Variants in HCN1 observed in about 807,000 individuals in gnomAD.
The protein encoded by HCN1 is potassium/sodium hyperpolarization-activated cyclic nucleotide-gated channel 1.
HCN1 carries 13 observed loss-of-function variants against 78.9 expected under a neutral mutation model. The ratio of observed to expected loss-of-function variants is 0.16; its 90% CI spans 0.11 to 0.26. The LOEUF (loss-of-function observed/expected upper bound fraction) is 0.26, where lower values mean the gene tolerates loss of function less well. HCN1 is among the 10% of genes least tolerant of loss of function. The probability of loss-of-function intolerance (pLI) is 1.00; values close to 1 mark genes in which losing one functional copy is unlikely to be tolerated. For missense variants in HCN1, 810 were observed against 1,154.3 expected, an observed-to-expected ratio of 0.70 and a Z score of 4.32; for synonymous variants, 552 against 455.5, an observed-to-expected ratio of 1.21 and a Z score of -2.70.
chr5:45,635,135 G>GAA (rs1745334463), intron 2 of HCN1, among the ~76,000 whole-genome samples: 1 of 151,986 alleles, frequency 6.6e-6, no homozygotes, highest in Non-Finnish European at 1.5e-5. Flanking sequence ...AAGAATCAGT[G>GAA]AATTAACTTG....
At chr5:45,287,078 T>C (rs1252008739) in intron 6 of HCN1, among the ~76,000 whole-genome samples, 1 of 151,742 alleles carries the variant, frequency 6.6e-6, no homozygotes. Flanking sequence ...CTAGAAGGTA[T>C]GCGTGTGTGT....
At chr5:45,283,978 C>A (rs1745220662) in intron 6 of HCN1, among the ~76,000 whole-genome samples, 1 of 152,102 alleles carries the variant, frequency 6.6e-6, no homozygotes, top group African/African-American at 2.4e-5. Context: ...AGAATGAGAT[C>A]CTGTCTTTTG....
At chr5:45,605,434 C>T (rs1224440787) in intron 2 of HCN1, among the ~76,000 whole-genome samples, 1 of 151,776 alleles carries the variant, frequency 6.6e-6, no homozygotes. Flanking sequence ...GTTAAATAAT[C>T]ATTTATTATG....
At chr5:45,475,947 A>G (rs1033647353) in intron 2 of HCN1, among the ~76,000 whole-genome samples, 2 of 152,162 alleles carry the variant, frequency 1.3e-5, no homozygotes, top group South Asian at 2.1e-4. Flanking sequence ...CAAGAGGCCA[A>G]TTTCTGAGTT....
chr5:45,545,075 A>C (rs1482774261), intron 2 of HCN1, among the ~76,000 whole-genome samples: 1 of 152,090 alleles, frequency 6.6e-6, no homozygotes, highest in Non-Finnish European at 1.5e-5. Flanking sequence ...ACAGTGTAAA[A>C]GTGTTCCTAT....
At chr5:45,563,721 T>C (rs1743651735) in intron 2 of HCN1, among the ~76,000 whole-genome samples, 1 of 150,530 alleles carries the variant, frequency 6.6e-6, no homozygotes, top group Non-Finnish European at 1.5e-5. Flanking sequence ...CTCTTTTTAG[T>C]GAATTTACAG....
chr5:45,387,636 G>A (rs1055186169), intron 4 of HCN1, among the ~76,000 whole-genome samples: 6 of 150,976 alleles, frequency 4.0e-5, no homozygotes, highest in South Asian at 2.1e-4. Context: ...TAGCAATTTC[G>A]CCCTACATTT....
At chr5:45,683,644 T>TAC (rs1489991816) in intron 1 of HCN1, among the ~76,000 whole-genome samples, 16 of 151,658 alleles carry the variant, frequency 1.1e-4, no homozygotes, top group Admixed American at 6.6e-4. Flanking sequence ...TATATATATA[T>TAC]ATACACACAC....
chr5:45,532,906 A>C (rs1742888612), intron 2 of HCN1, among the ~76,000 whole-genome samples: 1 of 152,218 alleles, frequency 6.6e-6, no homozygotes, highest in Non-Finnish European at 1.5e-5. Flanking sequence ...ATTGAGATAC[A>C]AAACATTCCA....
At chr5:45,676,019 G>T (rs1419833233) in intron 1 of HCN1, among the ~76,000 whole-genome samples, 1 of 151,772 alleles carries the variant, frequency 6.6e-6, no homozygotes, top group African/African-American at 2.4e-5. Context: ...ATATGGAACT[G>T]TCCATTGCAG....
intron 2 of HCN1, among the ~76,000 whole-genome samples, chr5:45,541,497 G>T (rs192680542): frequency 3.3e-5 from 5 of 152,266 alleles, no homozygotes; most frequent in Admixed American, 2.0e-4. Context: ...AAGTTAAATT[G>T]CTGTGTTCTT....
chr5:45,600,141 T>A (rs1385430446), intron 2 of HCN1, among the ~76,000 whole-genome samples: 1 of 151,906 alleles, frequency 6.6e-6, no homozygotes, highest in Non-Finnish European at 1.5e-5. Context: ...TTAGGCATAA[T>A]CTCCCAATTT....
At chr5:45,645,147 C>G (rs753404633) in intron 2 of HCN1, 38 bp downstream of exon 2, 4 of 1,463,042 alleles carry the variant, frequency 2.7e-6, no homozygotes, top group Non-Finnish European at 3.8e-6. Flanking sequence ...TTAACAATTT[C>G]ATGATATAGA....
chr5:45,658,900 C>T (rs1313350452), intron 1 of HCN1, among the ~76,000 whole-genome samples: 1 of 147,456 alleles, frequency 6.8e-6, no homozygotes, highest in Non-Finnish European at 1.5e-5. Context: ...ATTGCCCAGG[C>T]TTGCTTAGGT....
At chr5:45,438,979 T>C (rs573677691) in intron 3 of HCN1, among the ~76,000 whole-genome samples, 1 of 152,302 alleles carries the variant, frequency 6.6e-6, no homozygotes, top group African/African-American at 2.4e-5. Flanking sequence ...TGGACAGCTA[T>C]AAATTGCCTA....
chr5:45,281,791 AC>A (rs1745175200), intron 6 of HCN1, among the ~76,000 whole-genome samples: 1 of 151,144 alleles, frequency 6.6e-6, no homozygotes, highest in Non-Finnish European at 1.5e-5. Flanking sequence ...ATGGGGTTTC[AC>A]CATATTTGCC....
In HCN1 at chr5:45,259,776, C is replaced by T. The variant is rs937795836; in HGVS notation, c.*2145G>A. ...TATTTCACTACCAAATCCATTAATC[C>T]TATCAAATGTAAACCTTTAATAATT... On this transcript the variant is annotated 3_prime_UTR_variant, in exon 8 of 8. Coordinates refer to ENST00000303230, the MANE Select transcript of HCN1 (RefSeq NM_021072.4). 5 of 152,386 alleles carry T rather than the reference C, an allele frequency of 3.3e-5. No individual in the cohort carries two copies. Among genetic ancestry groups the T allele is most frequent in the South Asian group, 2.1e-4 (1 of 4,818 alleles). The allele number at this position is 152,386 out of a possible 1,614,324, so 9.4% of individuals were successfully genotyped here. A position where few individuals can be genotyped will look rare whatever the true frequency, so the allele number is the denominator to read the frequency against.
At chr5:45,545,411 G>C (rs1364014863) in intron 2 of HCN1, among the ~76,000 whole-genome samples, 1 of 152,166 alleles carries the variant, frequency 6.6e-6, no homozygotes, top group Admixed American at 6.6e-5. Flanking sequence ...TGTTCATTCT[G>C]ATGTTAGTTT....
chr5:45,317,715 C>T (rs369907403), intron 5 of HCN1, among the ~76,000 whole-genome samples: 1 of 151,930 alleles, frequency 6.6e-6, no homozygotes, highest in African/African-American at 2.4e-5. Flanking sequence ...AACAAATTTA[C>T]AAGAAAAAAA....
Sources: allele counts gnomAD v4.1 joint callset (sites outside exome capture counted in the v4.1 genomes callset), GRCh38; gene constraint gnomAD v4.1.1; transcripts MANE v1.5; gene names NCBI Gene and HGNC (gene_info 2026-07-23, HGNC 2026-07-21).